The following KLHL29 variants were observed in gnomAD, a reference collection of about 807,000 sequenced individuals.
KLHL29 encodes the protein kelch-like protein 29.
In KLHL29, 21 loss-of-function variants were observed where a neutral mutation model predicts 80.4. The ratio of observed to expected loss-of-function variants is 0.26; its 90% CI spans 0.19 to 0.38. The LOEUF is 0.38. Among genes scored for constraint, KLHL29 ranks in the 10% least tolerant of loss-of-function variants. KLHL29 has a pLI of 1.00. For missense variants in KLHL29, 867 were observed against 1,223.9 expected (o/e 0.71, Z 4.35); for synonymous variants, 511 against 526.8 (o/e 0.97, Z 0.41).
intron 3 of KLHL29, among the ~76,000 whole-genome samples, chr2:23,566,927 G>T (rs946474815): frequency 3.3e-5 from 5 of 152,226 alleles, no homozygotes; most frequent in Non-Finnish European, 7.3e-5. Context: ...CCCCCCTGGT[G>T]GTTGGTGCTG....
intron 3 of KLHL29, among the ~76,000 whole-genome samples, chr2:23,630,314 C>A (rs537653709): frequency 6.6e-6 from 1 of 152,274 alleles, no homozygotes; most frequent in Non-Finnish European, 1.5e-5. Context: ...ATGGCATGAG[C>A]GCAGCCTTGA....
At chr2:23,417,399 C>T (rs993358532) in intron 1 of KLHL29, among the ~76,000 whole-genome samples, 5 of 152,156 alleles carry the variant, frequency 3.3e-5, no homozygotes, top group Non-Finnish European at 7.3e-5. Context: ...TGCCTGCAAG[C>T]GTTTACACTC....
intron 2 of KLHL29, among the ~76,000 whole-genome samples, chr2:23,542,318 T>C (rs1351751947): frequency 6.6e-6 from 1 of 152,194 alleles, no homozygotes; most frequent in Admixed American, 6.5e-5. Context: ...CCCACCTGCC[T>C]GGAAAATTGG....
At chr2:23,455,733 T>G (rs1001781270) in intron 1 of KLHL29, among the ~76,000 whole-genome samples, 3 of 149,836 alleles carry the variant, frequency 2.0e-5, no homozygotes, top group African/African-American at 7.4e-5. Flanking sequence ...TGCCTCAGCC[T>G]CCCGAGTAGA....
At chr2:23,582,170 G>GA (rs2103510242) in intron 3 of KLHL29, among the ~76,000 whole-genome samples, 1 of 152,182 alleles carries the variant, frequency 6.6e-6, no homozygotes, top group East Asian at 1.9e-4. Context: ...AAATGAAGAA[G>GA]AAAAATCTTT....
intron 2 of KLHL29, among the ~76,000 whole-genome samples, chr2:23,481,940 A>G (rs758158207): frequency 3.3e-5 from 5 of 151,568 alleles, no homozygotes; most frequent in Non-Finnish European, 7.4e-5. Context: ...TTTGGTTCAC[A>G]GCATCTGAGT....
chr2:23,661,690 C>T (rs1415586878), intron 5 of KLHL29, among the ~76,000 whole-genome samples: 2 of 152,274 alleles, frequency 1.3e-5, no homozygotes, highest in African/African-American at 4.8e-5. Flanking sequence ...GGAAGAATCT[C>T]CAAACCCATG....
chr2:23,427,991 A>C (rs1663052504), intron 1 of KLHL29, among the ~76,000 whole-genome samples: 2 of 152,204 alleles, frequency 1.3e-5, no homozygotes, highest in African/African-American at 4.8e-5. Flanking sequence ...AGCGTGCCAG[A>C]GTCTGTCTCT....
chr2:23,464,315 C>A (rs1475344014), intron 1 of KLHL29, among the ~76,000 whole-genome samples: 1 of 152,196 alleles, frequency 6.6e-6, no homozygotes, highest in Non-Finnish European at 1.5e-5. Flanking sequence ...CCCTTGCTGA[C>A]CACTTGGGAC....
intron 3 of KLHL29, among the ~76,000 whole-genome samples, chr2:23,597,371 ATGTGTG>A (rs760903515): frequency 7.3e-5 from 3 of 41,202 alleles, no homozygotes; most frequent in Non-Finnish European, 4.3e-5. Flanking sequence ...GTATATATAT[ATGTGTG>A]TGTGTGTATA....
Position 23,413,105 on chromosome 2 carries a change from T to C in KLHL29, c.-154+27325T>C, listed in dbSNP as rs529052941. 3.5e-3 allele frequency among the ~76,000 whole-genome samples: 530 copies of C among 152,274 alleles called. 4 individuals are homozygous for C. Among genetic ancestry groups the C allele is most frequent in the African/African-American group, 0.012 (501 of 41,544 alleles). ...GTGGAAAGGTGAGGCCCAGGATGCA[T>C]GTAATGAACTGATGGCACTGTGAGG... is the stretch of plus-strand genomic sequence containing the variant. On this transcript the variant is annotated intron_variant, in intron 1 of 13. Coordinates refer to ENST00000486442, the MANE Select transcript of KLHL29 (RefSeq NM_052920.2).
chr2:23,575,867 C>T (rs1667829830), intron 3 of KLHL29, among the ~76,000 whole-genome samples: 1 of 152,232 alleles, frequency 6.6e-6, no homozygotes, highest in Admixed American at 6.5e-5. Flanking sequence ...CAGCCAGGAG[C>T]ACAGAGCCTG....
rs1000258800 is a variant in KLHL29, at chr2:23,407,372, C to T, written c.-154+21592C>T. On this transcript the variant is annotated intron_variant, in intron 1 of 13. Coordinates refer to ENST00000486442, the MANE Select transcript of KLHL29 (RefSeq NM_052920.2). ...GGTGAGTAATGGTATCTCGTGGTCT[C>T]GGTTGCGTTTCCTTGATTACCAGTG... Among the ~76,000 whole-genome samples the T allele has an allele frequency of 5.3e-5, 8 of 151,840 alleles. No individual in the cohort carries two copies. In the South Asian group the frequency reaches 6.3e-4, roughly 12 times the overall value.
chr2:23,644,706 CTG>C (rs1478418560), intron 5 of KLHL29, among the ~76,000 whole-genome samples: 1 of 152,236 alleles, frequency 6.6e-6, no homozygotes, highest in African/African-American at 2.4e-5. Flanking sequence ...CCTGTAACCT[CTG>C]TGCAAGGACC....
At chr2:23,665,463 T>A (rs981767425) in intron 5 of KLHL29, among the ~76,000 whole-genome samples, 1 of 152,196 alleles carries the variant, frequency 6.6e-6, no homozygotes, top group South Asian at 2.1e-4. Context: ...CTACCACCAG[T>A]ACCCCTGCCA....
At chr2:23,520,956 A>G (rs1199747877) in intron 2 of KLHL29, among the ~76,000 whole-genome samples, 2 of 150,836 alleles carry the variant, frequency 1.3e-5, no homozygotes, top group East Asian at 3.9e-4. Context: ...TCCTCCATAT[A>G]CAAATTCTGA....
chr2:23,542,038 TGTC>T (rs914823117), intron 2 of KLHL29, among the ~76,000 whole-genome samples: 5 of 152,228 alleles, frequency 3.3e-5, no homozygotes, highest in Admixed American at 6.5e-5. Context: ...GTTAAGTCAT[TGTC>T]GTCATACTGA....
chr2:23,572,703 T>TC (rs1272047762), intron 3 of KLHL29, among the ~76,000 whole-genome samples: 3 of 149,786 alleles, frequency 2.0e-5, no homozygotes, highest in African/African-American at 7.3e-5. Context: ...GTGATTTCTT[T>TC]TTTTTTTTTT....
chr2:23,578,882 A>G (rs1667911461), intron 3 of KLHL29, among the ~76,000 whole-genome samples: 1 of 152,248 alleles, frequency 6.6e-6, no homozygotes, highest in Non-Finnish European at 1.5e-5. Context: ...CTACAGATCA[A>G]TTAGACATGT....
Sources: gnomAD v4.1 joint callset for allele counts (sites outside exome capture counted in the v4.1 genomes callset) on GRCh38, gnomAD v4.1.1 for gene constraint, MANE v1.5 for transcripts, NCBI Gene and HGNC (gene_info 2026-07-23, HGNC 2026-07-21) for gene names.